The following PLEKHA7 variants were observed in gnomAD, a reference collection of about 807,000 sequenced individuals.
PLEKHA7 encodes the protein pleckstrin homology domain-containing family A member 7.
In PLEKHA7, 104 loss-of-function variants were observed where a neutral mutation model predicts 170.0. That is an observed-to-expected ratio of 0.61 (90% CI 0.52 to 0.72). The LOEUF is 0.72. Ranked by LOEUF, PLEKHA7 falls within the 30% of genes least tolerant of loss-of-function variation. The pLI, the probability that PLEKHA7 is intolerant of heterozygous loss-of-function variation, is 0.00. For synonymous variants in PLEKHA7, 648 were observed against 660.8 expected (o/e 0.98, Z 0.30); for missense variants, 1,615 against 1,671.7 (o/e 0.97, Z 0.59).
intron 9 of PLEKHA7, among the ~76,000 whole-genome samples, chr11:16,832,407 T>C (rs2135090686): frequency 6.6e-6 from 1 of 152,326 alleles, no homozygotes; most frequent in Non-Finnish European, 1.5e-5. Context: ...CAAATTCTTA[T>C]TTTCCCTTGC....
chr11:16,938,542 T>C (rs1304211671), intron 3 of PLEKHA7, among the ~76,000 whole-genome samples: 1 of 152,216 alleles, frequency 6.6e-6, no homozygotes, highest in African/African-American at 2.4e-5. Context: ...ATTCATTAAA[T>C]GTGTAACTGA....
At chr11:16,935,955 G>A (rs1475579558) in intron 3 of PLEKHA7, among the ~76,000 whole-genome samples, 1 of 152,182 alleles carries the variant, frequency 6.6e-6, no homozygotes, top group Non-Finnish European at 1.5e-5. Flanking sequence ...ATGCCTTGTT[G>A]CAGTTTGAAA....
intron 26 of PLEKHA7, 126 bp from the exon 27 acceptor site, chr11:16,779,146 GCCGCTGCTGGGGGAC>G (rs1159843029): frequency 1.5e-6 from 1 of 683,306 alleles, no homozygotes; most frequent in African/African-American, 1.8e-5. Flanking sequence ...TGGCAATGCG[GCCGCTGCTGGGGGAC>G]CCTCAGCTTC....
chr11:16,852,225 C>T, intron 7 of PLEKHA7, 58 bp downstream of exon 7: 1 of 1,485,242 alleles, frequency 6.7e-7, no homozygotes, highest in Non-Finnish European at 9.4e-7. Flanking sequence ...AGTCACCAAC[C>T]ATCCACATAT....
chr11:16,783,649 G>T, intron 25 of PLEKHA7, 51 bp downstream of exon 25: 1 of 1,340,198 alleles, frequency 7.5e-7, no homozygotes, highest in South Asian at 1.9e-5. Context: ...TGGTAGAGAC[G>T]CCACCTGGGG....
At chr11:16,872,038 G>T (rs183817221) in intron 3 of PLEKHA7, among the ~76,000 whole-genome samples, 1 of 147,104 alleles carries the variant, frequency 6.8e-6, no homozygotes, top group South Asian at 2.1e-4. Context: ...GTGCAATCTC[G>T]GCTCACAGCA....
At chr11:16,946,331 A>AC (rs1478235967) in intron 3 of PLEKHA7, among the ~76,000 whole-genome samples, 1 of 152,000 alleles carries the variant, frequency 6.6e-6, no homozygotes, top group African/African-American at 2.4e-5. Context: ...AGGACTGGAC[A>AC]CCCCACCCAC....
intron 3 of PLEKHA7, among the ~76,000 whole-genome samples, chr11:16,902,627 C>A (rs777183383): frequency 2.0e-5 from 3 of 152,162 alleles, no homozygotes; most frequent in Non-Finnish European, 2.9e-5. Context: ...GCTTATTGGT[C>A]ATTTGTGTAT....
chr11:16,824,763 T>C (rs11024048), intron 10 of PLEKHA7, among the ~76,000 whole-genome samples: 26,620 of 152,260 alleles, frequency 0.17, 2,842 homozygotes, highest in Non-Finnish European at 0.25. Context: ...TGGTTCCCTA[T>C]TGCTTTTTCA....
At chr11:16,967,635 C>A (rs1862454106) in intron 3 of PLEKHA7, among the ~76,000 whole-genome samples, 1 of 152,146 alleles carries the variant, frequency 6.6e-6, no homozygotes, top group South Asian at 2.1e-4. Context: ...CAGGAGAGAA[C>A]AGCCCCTACT....
chr11:16,937,438 G>A (rs1860381621), intron 3 of PLEKHA7, among the ~76,000 whole-genome samples: 2 of 152,088 alleles, frequency 1.3e-5, no homozygotes, highest in South Asian at 2.1e-4. Flanking sequence ...AGAGGTATAC[G>A]ACCATCTGTA....
intron 9 of PLEKHA7, among the ~76,000 whole-genome samples, chr11:16,832,447 C>T (rs1330976818): frequency 6.6e-6 from 1 of 152,138 alleles, no homozygotes; most frequent in East Asian, 1.9e-4. Context: ...CTCAGACTGG[C>T]GATACTTCTC....
chr11:16,889,753 T>C (rs1856495522), intron 3 of PLEKHA7, among the ~76,000 whole-genome samples: 1 of 152,110 alleles, frequency 6.6e-6, no homozygotes. Context: ...CAAGAAAACT[T>C]CCCTGGTCAT....
intron 25 of PLEKHA7, 52 bp downstream of exon 25, chr11:16,783,648 C>T (rs945418759): frequency 1.9e-5 from 25 of 1,341,338 alleles, no homozygotes; most frequent in African/African-American, 1.4e-4. Context: ...ATGGTAGAGA[C>T]GCCACCTGGG....
chr11:16,991,159 AG>A (rs1864021504), intron 3 of PLEKHA7, among the ~76,000 whole-genome samples: 1 of 152,156 alleles, frequency 6.6e-6, no homozygotes, highest in Non-Finnish European at 1.5e-5. Flanking sequence ...CGAGACTCCC[AG>A]GCTCCCTCAG....
rs150714472 is a variant in PLEKHA7 at position 16,789,208 on chromosome 11, C to T, written c.3245G>A (p.Arg1082Gln). 69 of 1,613,408 alleles carry T rather than the reference C, an allele frequency of 4.3e-5. 1 individual carries two copies. The highest frequency in any genetic ancestry group is 3.2e-4 in the Admixed American group (19 of 60,012). The stretch of plus-strand genomic sequence containing the variant: ...CTCTCGGACCAGGGCCTTCTGGTGT[C>T]GCTTCATGCGCTCCAGCTGCTCCTC... ...SAEEQLERMK[R>Q]HQKALVRERK... The change falls in exon 23 of 27, where the codon CGA (arginine) becomes CAA (glutamine). Residue 1082 changes from arginine (R) to glutamine (Q), a missense_variant. Physicochemically the swap from Arg to Gln is conservative, Grantham distance 43. Coordinates refer to ENST00000531066, the MANE Select transcript of PLEKHA7 (RefSeq NM_001329630.2). This position sits in a 1 kb window ranked among gnomAD's most constrained non-coding sequence, Gnocchi z 4.6.
At chr11:16,807,092 G>T in intron 13 of PLEKHA7, 1 of 884,176 alleles carries the variant, frequency 1.1e-6, no homozygotes, top group African/African-American at 1.8e-5. Context: ...TCGGCACCGA[G>T]CCAGAAGCAA....
intron 3 of PLEKHA7, among the ~76,000 whole-genome samples, chr11:16,932,242 T>C (rs891354087): frequency 2.0e-5 from 3 of 151,566 alleles, no homozygotes; most frequent in Non-Finnish European, 4.4e-5. Context: ...TGGGACACAA[T>C]AGTACTAAAT....
rs561165326 is a variant in PLEKHA7 at position 17,013,727 on chromosome 11, C to T, written c.221+262G>A. Among the ~76,000 whole-genome samples, 4 of 152,356 alleles carry T rather than the reference C, an allele frequency of 2.6e-5. No homozygotes were observed. The South Asian group carries it at 8.3e-4, about 32-fold the overall frequency. Reference sequence around the variant, plus strand: ...CCGCACACCAGCACCCGAATCCAGCCGGATTGCAAGGTCCAGGGCGCAGAG... The same window carrying T: ...CCGCACACCAGCACCCGAATCCAGCTGGATTGCAAGGTCCAGGGCGCAGAG... On this transcript the variant is annotated intron_variant, in intron 3 of 26. Coordinates refer to ENST00000531066, the MANE Select transcript of PLEKHA7 (RefSeq NM_001329630.2).
Sources: gnomAD v4.1 joint callset for allele counts (sites outside exome capture counted in the v4.1 genomes callset) on GRCh38, gnomAD v4.1.1 for gene constraint, Gnocchi (gnomAD v3.1) non-coding constraint, MANE v1.5 for transcripts, NCBI Gene and HGNC (gene_info 2026-07-23, HGNC 2026-07-21) for gene names.